The following C8orf34 variants were observed in gnomAD, a reference collection of about 807,000 sequenced individuals.
C8orf34 encodes uncharacterized protein C8orf34.
A neutral mutation model predicts 68.3 loss-of-function variants in C8orf34; 65 were observed. The ratio of observed to expected loss-of-function variants is 0.95; its 90% CI spans 0.78 to 1.17. The LOEUF (loss-of-function observed/expected upper bound fraction) is 1.17. Ranked by LOEUF, C8orf34 falls within the 50% of genes most tolerant of loss-of-function variation. The pLI, the probability that C8orf34 is intolerant of heterozygous loss-of-function variation, is 0.00. For missense variants in C8orf34, 664 were observed against 655.4 expected (o/e 1.01, Z -0.14); for synonymous variants, 244 against 241.2 (o/e 1.01, Z -0.11).
At chr8:68,604,327 AATTTTAATAAC>A (rs1817790347) in intron 7 of C8orf34, among the ~76,000 whole-genome samples, 1 of 152,116 alleles carries the variant, frequency 6.6e-6, no homozygotes, top group African/African-American at 2.4e-5. Context: ...CCAAAAGTCA[AATTTTAATAAC>A]ATTTTAAAAT....
At chr8:68,391,555 T>C (rs933679920) in intron 1 of C8orf34, among the ~76,000 whole-genome samples, 5 of 152,158 alleles carry the variant, frequency 3.3e-5, no homozygotes, top group Non-Finnish European at 7.4e-5. Context: ...GTTAACTAAT[T>C]ATTTATCTTC....
chr8:68,343,257 A>G (rs572522899), intron 1 of C8orf34, among the ~76,000 whole-genome samples: 2 of 152,266 alleles, frequency 1.3e-5, no homozygotes, highest in African/African-American at 4.8e-5. Flanking sequence ...TAAAACCACA[A>G]TGAGAAATCA....
At chr8:68,811,407 G>C (rs1824646806) in intron 12 of C8orf34, among the ~76,000 whole-genome samples, 1 of 152,190 alleles carries the variant, frequency 6.6e-6, no homozygotes, top group Non-Finnish European at 1.5e-5. Context: ...AGCCGTGACT[G>C]AACAGCTGCA....
intron 7 of C8orf34, among the ~76,000 whole-genome samples, chr8:68,542,145 A>G (rs1352313736): frequency 1.3e-5 from 2 of 152,128 alleles, no homozygotes; most frequent in Non-Finnish European, 2.9e-5. Context: ...AAAAGATGGT[A>G]TTGGGCTTGT....
chr8:68,658,421 T>A (rs1437280085), intron 8 of C8orf34, among the ~76,000 whole-genome samples: 5 of 152,176 alleles, frequency 3.3e-5, no homozygotes, highest in African/African-American at 4.8e-5. Context: ...TAATATGTAA[T>A]GTTTCCTTTA....
At chr8:68,437,826 C>T (rs763110134) in intron 1 of C8orf34, 15 of 152,082 alleles carry the variant, frequency 9.9e-5, no homozygotes, top group East Asian at 3.8e-4. Context: ...GTTCCATCAA[C>T]GCATTTTTTA....
At chr8:68,362,131 G>C (rs1807028417) in intron 1 of C8orf34, among the ~76,000 whole-genome samples, 1 of 152,176 alleles carries the variant, frequency 6.6e-6, no homozygotes, top group South Asian at 2.1e-4. Context: ...ATTCAGGCAA[G>C]AATAAGAAAG....
chr8:68,573,482 A>G (rs961577195), intron 7 of C8orf34, among the ~76,000 whole-genome samples: 1 of 152,182 alleles, frequency 6.6e-6, no homozygotes, highest in Non-Finnish European at 1.5e-5. Flanking sequence ...AGATCAGCAG[A>G]GTTGTCCCAA....
At chr8:68,600,968 A>G (rs2130491492) in intron 7 of C8orf34, among the ~76,000 whole-genome samples, 1 of 152,226 alleles carries the variant, frequency 6.6e-6, no homozygotes, top group African/African-American at 2.4e-5. Context: ...GTCTATCTTC[A>G]CGAGATTAAC....
At chr8:68,640,562 A>T (rs749159771) in intron 8 of C8orf34, 51 bp downstream of exon 8, 1 of 1,536,216 alleles carries the variant, frequency 6.5e-7, no homozygotes, top group Non-Finnish European at 8.9e-7. Context: ...TGATTTTTAA[A>T]ATCTAAGATT....
chr8:68,421,510 A>C (rs993733449), intron 1 of C8orf34, among the ~76,000 whole-genome samples: 2 of 152,214 alleles, frequency 1.3e-5, no homozygotes, highest in African/African-American at 4.8e-5. Flanking sequence ...TCCAGAGAAC[A>C]TGTAAGCCAT....
At chr8:68,772,787 T>C (rs1160187100) in intron 10 of C8orf34, among the ~76,000 whole-genome samples, 1 of 149,594 alleles carries the variant, frequency 6.7e-6, no homozygotes, top group Non-Finnish European at 1.5e-5. Context: ...CTTTCTTTCT[T>C]TCCCTCCCTC....
chr8:68,694,252 C>G (rs1820764242), intron 8 of C8orf34, among the ~76,000 whole-genome samples: 1 of 151,668 alleles, frequency 6.6e-6, no homozygotes, highest in South Asian at 2.1e-4. Context: ...CCCTATGCCC[C>G]CCTTGGGAAT....
intron 7 of C8orf34, among the ~76,000 whole-genome samples, chr8:68,573,546 G>A (rs184931527): frequency 3.9e-5 from 6 of 152,234 alleles, no homozygotes; most frequent in East Asian, 1.9e-4. Flanking sequence ...AAGATTTTGC[G>A]GTTGTTTGTT....
chr8:68,751,167 G>A (rs1822695043), intron 10 of C8orf34, among the ~76,000 whole-genome samples: 1 of 152,040 alleles, frequency 6.6e-6, no homozygotes, highest in South Asian at 2.1e-4. Context: ...TGTGTTTAAC[G>A]CTAGTGGACC....
intron 7 of C8orf34, among the ~76,000 whole-genome samples, chr8:68,600,162 G>A (rs1375362777): frequency 6.6e-6 from 1 of 151,948 alleles, no homozygotes; most frequent in East Asian, 1.9e-4. Context: ...GGTTGCTCTA[G>A]GTATTACAAT....
At chr8:68,401,052 T>G (rs772492643) in intron 1 of C8orf34, among the ~76,000 whole-genome samples, 3 of 152,036 alleles carry the variant, frequency 2.0e-5, no homozygotes, top group Non-Finnish European at 4.4e-5. Flanking sequence ...TCGGTTTCTT[T>G]CATCAGTGTT....
At chr8:68,467,872 T>A (rs752190433) in intron 3 of C8orf34, among the ~76,000 whole-genome samples, 15 of 152,006 alleles carry the variant, frequency 9.9e-5, no homozygotes, top group Non-Finnish European at 1.8e-4. Context: ...TTGCTATTTT[T>A]GCCCCTGAAA....
chr8:68,379,366 A>C (rs1007579468), intron 1 of C8orf34, among the ~76,000 whole-genome samples: 1 of 152,172 alleles, frequency 6.6e-6, no homozygotes, highest in African/African-American at 2.4e-5. Flanking sequence ...TCCATGAAGG[A>C]TCTGTTTCCT....
Sources: allele counts gnomAD v4.1 joint callset (sites outside exome capture counted in the v4.1 genomes callset), GRCh38; gene constraint gnomAD v4.1.1; transcripts MANE v1.5; gene names NCBI Gene and HGNC (gene_info 2026-07-23, HGNC 2026-07-21).